TRPM3: variants seen among roughly 807,000 people sequenced by gnomAD.
TRPM3 encodes the protein transient receptor potential cation channel subfamily M member 3.
A neutral mutation model predicts 181.2 loss-of-function variants in TRPM3; 77 were observed. That is an observed-to-expected ratio of 0.42 (90% CI 0.35 to 0.51). The LOEUF is 0.51. Ranked by LOEUF, TRPM3 falls within the 20% of genes least tolerant of loss-of-function variation. TRPM3 has a pLI of 0.01. For synonymous variants in TRPM3, 745 were observed against 796.4 expected, an observed-to-expected ratio of 0.94 and a Z score of 1.09; for missense variants, 1,759 against 2,196.7, an observed-to-expected ratio of 0.80 and a Z score of 3.98.
rs550077513 is a variant in TRPM3 at position 70,912,580 on chromosome 9, G to A, written c.178-48069C>T. On this transcript the variant is annotated intron_variant, in intron 1 of 25. Transcript: ENST00000677713. The stretch of plus-strand genomic sequence containing the variant: ...GGAGAGTAAGGAAATGTGAAAACAT[G>A]TTTGGGTAGCTTATCTTAAAATCAA... Among the ~76,000 whole-genome samples the A allele has an allele frequency of 1.5e-3, 231 of 152,282 alleles. 1 individual carries two copies. The highest frequency in any genetic ancestry group is 5.1e-3 in the African/African-American group (213 of 41,572).
chr9:70,879,102 G>T (rs1353202384), intron 1 of TRPM3, among the ~76,000 whole-genome samples: 1 of 152,072 alleles, frequency 6.6e-6, no homozygotes, highest in Non-Finnish European at 1.5e-5. Flanking sequence ...TGCAGATAAG[G>T]ACACTGAGGA....
intron 3 of TRPM3, among the ~76,000 whole-genome samples, chr9:70,860,069 A>G (rs2095485678): frequency 6.6e-6 from 1 of 152,174 alleles, no homozygotes; most frequent in Admixed American, 6.5e-5. Flanking sequence ...GAAGTAAAGG[A>G]AGCTGTTTCA....
chr9:70,757,569 A>G (rs1433830964), intron 8 of TRPM3, among the ~76,000 whole-genome samples: 1 of 152,234 alleles, frequency 6.6e-6, no homozygotes, highest in Non-Finnish European at 1.5e-5. Flanking sequence ...CCTGATGAAC[A>G]TCAGTGAGAA....
Position 71,324,171 on chromosome 9 carries a change from G to A in TRPM3, c.183+122482C>T, listed in dbSNP as rs547916314. Among the ~76,000 whole-genome samples the A allele has an allele frequency of 2.0e-5, 3 of 152,150 alleles. No homozygotes were observed. The South Asian group carries it at 6.2e-4, about 32-fold the overall frequency. On this transcript the variant is annotated intron_variant, in intron 1 of 24. Transcript: ENST00000357533. ...AATCTATAGATAGATTAGATAGATGGAGTATATGACTTTATTAATATATGT... is the reference window on the plus strand; with the variant it reads ...AATCTATAGATAGATTAGATAGATGAAGTATATGACTTTATTAATATATGT...
intron 1 of TRPM3, among the ~76,000 whole-genome samples, chr9:70,876,473 TAAA>T (rs1331876921): frequency 6.6e-6 from 1 of 151,410 alleles, no homozygotes; most frequent in African/African-American, 2.4e-5. Flanking sequence ...TTAGTCGATT[TAAA>T]AAATTATAAA....
At chr9:70,912,262 A>G (rs771295700) in intron 1 of TRPM3, among the ~76,000 whole-genome samples, 15 of 152,164 alleles carry the variant, frequency 9.9e-5, no homozygotes, top group Non-Finnish European at 2.2e-4. Context: ...TATAATTCTC[A>G]CTTAGTGTTT....
At chr9:70,784,389 G>C in intron 6 of TRPM3, 110 bp from the exon 7 acceptor site, 1 of 1,200,456 alleles carries the variant, frequency 8.3e-7, no homozygotes, top group Non-Finnish European at 1.1e-6. Flanking sequence ...TACTGAGCAC[G>C]GGGGAGGTAG....
At chr9:70,924,001 A>C (rs1360893758) in intron 1 of TRPM3, among the ~76,000 whole-genome samples, 5 of 151,080 alleles carry the variant, frequency 3.3e-5, no homozygotes, top group African/African-American at 7.3e-5. Flanking sequence ...TTATCTATCT[A>C]TATATATATA....
intron 1 of TRPM3, among the ~76,000 whole-genome samples, chr9:71,358,256 T>C (rs1376017208): frequency 6.6e-6 from 1 of 152,170 alleles, no homozygotes; most frequent in East Asian, 1.9e-4. Context: ...TTGATGCTTT[T>C]TCTTTTTGGT....
chr9:71,202,636 A>G (rs914572497), intron 1 of TRPM3, among the ~76,000 whole-genome samples: 1 of 152,204 alleles, frequency 6.6e-6, no homozygotes, highest in Non-Finnish European at 1.5e-5. Context: ...GTACTCGGAC[A>G]GTGCAGGGTG....
At chr9:71,135,044 C>T (rs1016910884) in intron 1 of TRPM3, among the ~76,000 whole-genome samples, 3 of 152,146 alleles carry the variant, frequency 2.0e-5, no homozygotes, top group Non-Finnish European at 2.9e-5. Context: ...ACCTAAATCC[C>T]CAATCACCAA....
chr9:70,992,640 AG>A (rs1194434747), intron 1 of TRPM3, among the ~76,000 whole-genome samples: 1 of 152,224 alleles, frequency 6.6e-6, no homozygotes, highest in African/African-American at 2.4e-5. Flanking sequence ...AAATGTGACT[AG>A]TATAACAGTA....
At chr9:70,911,258 T>A (rs2096534724) in intron 1 of TRPM3, among the ~76,000 whole-genome samples, 1 of 152,208 alleles carries the variant, frequency 6.6e-6, no homozygotes, top group Non-Finnish European at 1.5e-5. Context: ...TTTCAATTAC[T>A]ATTGGTGTTC....
chr9:71,239,943 T>C (rs569168074), intron 1 of TRPM3, among the ~76,000 whole-genome samples: 4 of 152,206 alleles, frequency 2.6e-5, no homozygotes, highest in African/African-American at 7.2e-5. Context: ...TAGGTCTTTG[T>C]TGAAAAAAAG....
intron 1 of TRPM3, among the ~76,000 whole-genome samples, chr9:70,982,803 T>C (rs939259861): frequency 1.3e-5 from 2 of 152,166 alleles, no homozygotes; most frequent in African/African-American, 4.8e-5. Flanking sequence ...CAGCTTCAAG[T>C]GGTTCTTGTG....
intron 1 of TRPM3, among the ~76,000 whole-genome samples, chr9:71,160,573 C>G (rs957707717): frequency 2.0e-5 from 3 of 152,130 alleles, no homozygotes; most frequent in African/African-American, 7.2e-5. Context: ...ATATTTGTAT[C>G]TAAAATTGTC....
intron 1 of TRPM3, among the ~76,000 whole-genome samples, chr9:71,128,003 G>A (rs2074149724): frequency 6.6e-6 from 1 of 152,190 alleles, no homozygotes; most frequent in South Asian, 2.1e-4. Flanking sequence ...CAATATTGGA[G>A]TCATATGTGC....
At chr9:71,304,809 C>A (rs185824645) in intron 1 of TRPM3, among the ~76,000 whole-genome samples, 1 of 152,282 alleles carries the variant, frequency 6.6e-6, no homozygotes, top group Admixed American at 6.5e-5. Context: ...ATAGACGGAA[C>A]AGATTATGTT....
chr9:70,864,538 A>AAAAAAAAAAAAAAG, intron 1 of TRPM3, 27 bp from the exon 2 acceptor site: 13 of 1,433,860 alleles, frequency 9.1e-6, no homozygotes, highest in South Asian at 6.2e-5. Flanking sequence ...AAAAAAAAAA[A>AAAAAAAAAAAAAAG]AAAGAAAAAA....
Sources: gnomAD v4.1 joint callset for allele counts (sites outside exome capture counted in the v4.1 genomes callset) on GRCh38, gnomAD v4.1.1 for gene constraint, MANE v1.5 for transcripts, NCBI Gene and HGNC (gene_info 2026-07-23, HGNC 2026-07-21) for gene names.